EPHA3: variants seen among roughly 807,000 people sequenced by gnomAD.
The protein encoded by EPHA3 is EPH receptor A3.
A neutral mutation model predicts 107.1 loss-of-function variants in EPHA3; 42 were observed. The observed-to-expected ratio is 0.39, with a 90% CI of 0.31 to 0.51. The LOEUF is 0.51. Among genes scored for constraint, EPHA3 ranks in the 20% least tolerant of loss-of-function variants. EPHA3 has a pLI of 0.78. For missense variants in EPHA3, 1,183 were observed against 1,211.2 expected, an observed-to-expected ratio of 0.98 and a Z score of 0.35; for synonymous variants, 461 against 424.8, an observed-to-expected ratio of 1.09 and a Z score of -1.05.
chr3:89,135,837 T>A (rs1704298864), intron 2 of EPHA3, among the ~76,000 whole-genome samples: 1 of 151,234 alleles, frequency 6.6e-6, no homozygotes, highest in South Asian at 2.1e-4. Context: ...AAAGTGAGAA[T>A]CCTGTAAATA....
intron 3 of EPHA3, among the ~76,000 whole-genome samples, chr3:89,281,172 C>G (rs865854547): frequency 6.6e-6 from 1 of 152,024 alleles, no homozygotes; most frequent in African/African-American, 2.4e-5. Context: ...TACAGGCCCA[C>G]GCCGCCACGC....
intron 2 of EPHA3, among the ~76,000 whole-genome samples, chr3:89,131,614 A>G (rs1457265122): frequency 6.6e-6 from 1 of 152,212 alleles, no homozygotes; most frequent in Non-Finnish European, 1.5e-5. Context: ...CAAAGAAATC[A>G]TGAGCTATGA....
At chr3:89,425,264 A>G (rs1709432468) in intron 11 of EPHA3, among the ~76,000 whole-genome samples, 2 of 151,552 alleles carry the variant, frequency 1.3e-5, no homozygotes, top group Non-Finnish European at 3.0e-5. Context: ...TCAGTTCAAT[A>G]TTCATTACAA....
chr3:89,175,886 C>A (rs537124652), intron 2 of EPHA3, among the ~76,000 whole-genome samples: 16 of 152,092 alleles, frequency 1.1e-4, no homozygotes, highest in African/African-American at 3.9e-4. Context: ...TGAATTCCTC[C>A]TTCTGATTAG....
intron 1 of EPHA3, among the ~76,000 whole-genome samples, chr3:89,124,947 A>G (rs1223925557): frequency 2.0e-5 from 3 of 151,900 alleles, no homozygotes; most frequent in Non-Finnish European, 4.4e-5. Context: ...GTAGAAACCA[A>G]ATGCTGATGT....
intron 2 of EPHA3, among the ~76,000 whole-genome samples, chr3:89,183,263 A>T (rs1438523414): frequency 5.9e-5 from 9 of 151,974 alleles, no homozygotes; most frequent in Non-Finnish European, 2.9e-5. Flanking sequence ...TTTAAAATGG[A>T]CTGCACAAGG....
At chr3:89,195,819 G>A (rs1326892422) in intron 2 of EPHA3, among the ~76,000 whole-genome samples, 3 of 152,092 alleles carry the variant, frequency 2.0e-5, no homozygotes, top group African/African-American at 4.8e-5. Context: ...TCTTGCCAAA[G>A]CAATGTACTT....
chr3:89,411,976 T>C, intron 9 of EPHA3, among the ~76,000 whole-genome samples: 1 of 151,934 alleles, frequency 6.6e-6, no homozygotes. Flanking sequence ...ATCCATATTC[T>C]GTGCTAAAAC....
chr3:89,145,822 A>G (rs756800842), intron 2 of EPHA3, among the ~76,000 whole-genome samples: 1 of 151,314 alleles, frequency 6.6e-6, no homozygotes, highest in Non-Finnish European at 1.5e-5. Context: ...CTGTTGCTTT[A>G]TTTCCTTCAG....
At chr3:89,183,694 A>G (rs1483691728) in intron 2 of EPHA3, among the ~76,000 whole-genome samples, 7 of 151,996 alleles carry the variant, frequency 4.6e-5, no homozygotes, top group Non-Finnish European at 1.0e-4. Context: ...GATTTTTTAA[A>G]GACTTTATGT....
chr3:89,144,949 C>T (rs776779847), intron 2 of EPHA3, among the ~76,000 whole-genome samples: 51 of 151,630 alleles, frequency 3.4e-4, no homozygotes, highest in Non-Finnish European at 1.2e-4. Context: ...ACAATCATAT[C>T]GTTCTTATAG....
At chr3:89,356,020 TC>T (rs1463197271) in intron 5 of EPHA3, among the ~76,000 whole-genome samples, 6 of 122,972 alleles carry the variant, frequency 4.9e-5, no homozygotes, top group Non-Finnish European at 1.0e-4. Flanking sequence ...AGTGTGATGT[TC>T]CCCTTCCTGT....
intron 3 of EPHA3, among the ~76,000 whole-genome samples, chr3:89,295,885 C>T (rs1192995388): frequency 6.6e-6 from 1 of 152,238 alleles, no homozygotes; most frequent in African/African-American, 2.4e-5. Flanking sequence ...CCACCACACC[C>T]GACCTCTTTG....
chr3:89,154,792 C>T (rs1182319322), intron 2 of EPHA3, among the ~76,000 whole-genome samples: 4 of 150,346 alleles, frequency 2.7e-5, no homozygotes, highest in Admixed American at 6.7e-5. Context: ...AGACATTAGG[C>T]AATTATCCAT....
At chr3:89,475,240 T>C (rs1377696348) in intron 16 of EPHA3, among the ~76,000 whole-genome samples, 1 of 152,206 alleles carries the variant, frequency 6.6e-6, no homozygotes, top group Non-Finnish European at 1.5e-5. Context: ...GCTAGATATT[T>C]TAGCTTTCTT....
chr3:89,140,417 T>C (rs914696876), intron 2 of EPHA3, among the ~76,000 whole-genome samples: 1 of 151,806 alleles, frequency 6.6e-6, no homozygotes, highest in Non-Finnish European at 1.5e-5. Context: ...TTGGCTTTAT[T>C]TTGTGCTTTC....
intron 5 of EPHA3, among the ~76,000 whole-genome samples, chr3:89,351,482 C>T (rs1015230295): frequency 1.3e-5 from 2 of 150,000 alleles, no homozygotes; most frequent in Non-Finnish European, 3.0e-5. Context: ...GGCTCGCGCA[C>T]GGTGCGCGCA....
chr3:89,356,185 A>G (rs1422420012), intron 5 of EPHA3, among the ~76,000 whole-genome samples: 1 of 151,074 alleles, frequency 6.6e-6, no homozygotes, highest in East Asian at 1.9e-4. Context: ...ATGGCTGCAT[A>G]GTATTCCATG....
chr3:89,231,764 A>G (rs568755032), intron 3 of EPHA3, among the ~76,000 whole-genome samples: 2 of 152,322 alleles, frequency 1.3e-5, no homozygotes, highest in South Asian at 4.1e-4. Context: ...GATTAACAAG[A>G]GGAAATAATA....
Sources: allele counts gnomAD v4.1 joint callset (sites outside exome capture counted in the v4.1 genomes callset), GRCh38; gene constraint gnomAD v4.1.1; transcripts MANE v1.5; gene names NCBI Gene and HGNC (gene_info 2026-07-23, HGNC 2026-07-21).